ANO10: variants seen among roughly 807,000 people sequenced by gnomAD.
ANO10 encodes anoctamin 10, also known as anoctamin-10.
A neutral mutation model predicts 74.7 loss-of-function variants in ANO10; 77 were observed. That is an observed-to-expected ratio of 1.03 (90% CI 0.86 to 1.25). The LOEUF (loss-of-function observed/expected upper bound fraction) is 1.25. ANO10 is among the 50% of genes most tolerant of loss of function. The pLI is 0.00. For missense variants in ANO10, 721 were observed against 778.1 expected (o/e 0.93, Z 0.87); for synonymous variants, 279 against 284.9 (o/e 0.98, Z 0.21).
chr3:43,422,639 A>G (rs2148917289), intron 12 of ANO10, among the ~76,000 whole-genome samples: 1 of 152,272 alleles, frequency 6.6e-6, no homozygotes, highest in East Asian at 1.9e-4. Flanking sequence ...CAATCTATCA[A>G]TGGGGTGACT....
rs2082192322 is a variant in ANO10, at chr3:43,598,529, T to C, written c.472+3A>G. The stretch of plus-strand genomic sequence containing the variant: ...AAAAAGACTGGTTGACATAATGACT[T>C]ACACAATGATTTTCCTGGATACAAC... On this transcript the variant is annotated splice_donor_region_variant and intron_variant, in intron 4 of 12. Transcript: ENST00000292246. The C allele has an allele frequency of 1.2e-6, 2 of 1,612,876 alleles. No homozygotes were observed. Among genetic ancestry groups the C allele is most frequent in the South Asian group, 2.2e-5 (2 of 90,948 alleles).
chr3:43,598,657 T>A lies in ANO10; in HGVS notation c.347A>T (p.Asp116Val), dbSNP rs768410853. 3.7e-6 allele frequency: 6 copies of A among 1,603,858 alleles called. No individual in the cohort carries two copies. In the African/African-American group the frequency reaches 8.0e-5, roughly 21 times the overall value. ...ACATTCTGCCATTGTCAGGAAATCATCATTGTTATCTAAAATAAAACAGAA... is the reference window on the plus strand; with the variant it reads ...ACATTCTGCCATTGTCAGGAAATCAACATTGTTATCTAAAATAAAACAGAA... The part of the protein sequence containing the change: ...QNFKGFDDNN[D>V]DFLTMAECQF... Residue 116 changes from aspartate (D) to valine (V), a missense_variant, in exon 4 of 13, where the codon GAT (aspartate) becomes GTT (valine). Coordinates refer to ENST00000292246, the MANE Select transcript of ANO10 (RefSeq NM_018075.5).
chr3:43,676,816 C>A (rs565203102), intron 1 of ANO10, among the ~76,000 whole-genome samples: 66 of 151,784 alleles, frequency 4.3e-4, no homozygotes, highest in Non-Finnish European at 8.2e-4. Context: ...TGAAAAAAAT[C>A]TTGAATTAAA....
intron 12 of ANO10, among the ~76,000 whole-genome samples, chr3:43,427,375 G>A (rs888303023): frequency 3.9e-5 from 6 of 152,012 alleles, no homozygotes; most frequent in African/African-American, 9.7e-5. Flanking sequence ...GAATCTTCAG[G>A]GCATAGGGTC....
chr3:43,566,129 G>A (rs1456531532), intron 7 of ANO10, among the ~76,000 whole-genome samples: 1 of 152,114 alleles, frequency 6.6e-6, no homozygotes, highest in African/African-American at 2.4e-5. Flanking sequence ...TTTTCCGACG[G>A]GCTTAAAAAA....
intron 12 of ANO10, among the ~76,000 whole-genome samples, chr3:43,373,484 T>G (rs1432752900): frequency 6.6e-6 from 1 of 152,192 alleles, no homozygotes; most frequent in Non-Finnish European, 1.5e-5. Context: ...GGTGGGTGGA[T>G]GTCAGTTCAA....
At chr3:43,467,479 G>C (rs2075676224) in intron 11 of ANO10, among the ~76,000 whole-genome samples, 2 of 152,150 alleles carry the variant, frequency 1.3e-5, no homozygotes, top group African/African-American at 4.8e-5. Flanking sequence ...TAAATAAAAA[G>C]CCAGATATAA....
intron 10 of ANO10, 56 bp from the exon 11 acceptor site, chr3:43,549,904 C>T: frequency 6.3e-7 from 1 of 1,580,760 alleles, no homozygotes. Context: ...CATATTTCCT[C>T]ATCCTTTTTC....
At position 43,549,801 on chromosome 3, in the gene ANO10, C is replaced by T. The variant is rs746207433; in HGVS notation, c.1716G>A (p.Ala572=). ...MSVISVVTNC[A]LIGMSPQVNA... is the part of the protein sequence containing the mutation. ...TCACTTGTGGTGACATTCCAATCAG[C>T]GCACAGTTAGTGACCACAGATATAA... is the stretch of plus-strand genomic sequence containing the variant. Residue 572 remains alanine, a synonymous_variant, in exon 11 of 13, where the codon GCG becomes GCA. Transcript: ENST00000292246. 24 of 1,613,754 alleles carry T rather than the reference C, an allele frequency of 1.5e-5. No individual in the cohort carries two copies. The highest frequency in any genetic ancestry group is 1.6e-4 in the Middle Eastern group (1 of 6,084).
At chr3:43,403,290 T>G (rs1029883202) in intron 12 of ANO10, among the ~76,000 whole-genome samples, 19 of 152,228 alleles carry the variant, frequency 1.2e-4, no homozygotes, top group African/African-American at 4.6e-4. Context: ...ACTTGACATC[T>G]GTCAGAGAGA....
At chr3:43,515,312 C>T (rs1302976954) in intron 11 of ANO10, among the ~76,000 whole-genome samples, 3 of 152,248 alleles carry the variant, frequency 2.0e-5, no homozygotes, top group Admixed American at 2.0e-4. Context: ...TCATCCAATC[C>T]ACTGAAGGCC....
intron 12 of ANO10, among the ~76,000 whole-genome samples, chr3:43,418,356 A>G (rs1294621645): frequency 6.6e-6 from 1 of 152,228 alleles, no homozygotes; most frequent in Non-Finnish European, 1.5e-5. Flanking sequence ...ATTGGTTGTT[A>G]CTTATGCAGG....
intron 12 of ANO10, among the ~76,000 whole-genome samples, chr3:43,371,846 T>G (rs1489464788): frequency 6.6e-6 from 1 of 152,214 alleles, no homozygotes; most frequent in Non-Finnish European, 1.5e-5. Flanking sequence ...GCACCTATTT[T>G]CACAGACTTT....
chr3:43,487,136 G>C (rs1213916153), intron 11 of ANO10, among the ~76,000 whole-genome samples: 2 of 149,274 alleles, frequency 1.3e-5, no homozygotes, highest in Middle Eastern at 3.2e-3. Context: ...AACCAGCCTT[G>C]CATCCCAGGG....
chr3:43,442,422 A>G (rs949951616), intron 11 of ANO10, among the ~76,000 whole-genome samples: 2 of 152,152 alleles, frequency 1.3e-5, no homozygotes, highest in Non-Finnish European at 2.9e-5. Context: ...GAACTCAATC[A>G]TTTTTACAAT....
chr3:43,518,790 G>A (rs2077821974), intron 11 of ANO10, among the ~76,000 whole-genome samples: 1 of 152,106 alleles, frequency 6.6e-6, no homozygotes, highest in Non-Finnish European at 1.5e-5. Context: ...AGTCAGACCG[G>A]TTGTCTGCTC....
intron 11 of ANO10, among the ~76,000 whole-genome samples, chr3:43,547,611 G>A (rs998106727): frequency 1.3e-5 from 2 of 152,144 alleles, no homozygotes; most frequent in African/African-American, 4.8e-5. Flanking sequence ...GAGGCATAAT[G>A]GTTAGAACCT....
At chr3:43,573,695 C>T (rs1020414390) in intron 7 of ANO10, among the ~76,000 whole-genome samples, 6 of 152,208 alleles carry the variant, frequency 3.9e-5, no homozygotes, top group East Asian at 1.9e-4. Flanking sequence ...GAAAGAGGCA[C>T]GACATGTCAG....
intron 1 of ANO10, among the ~76,000 whole-genome samples, chr3:43,628,432 G>A (rs569661302): frequency 1.1e-4 from 17 of 152,138 alleles, no homozygotes; most frequent in African/African-American, 3.4e-4. Flanking sequence ...GATGTATGTC[G>A]CCTCAGGACC....
Sources: allele counts gnomAD v4.1 joint callset (sites outside exome capture counted in the v4.1 genomes callset), GRCh38; gene constraint gnomAD v4.1.1; transcripts MANE v1.5; gene names NCBI Gene and HGNC (gene_info 2026-07-23, HGNC 2026-07-21).